Variants in CLYBL observed in about 807,000 individuals in gnomAD.
CLYBL encodes citramalyl-CoA lyase.
A neutral mutation model predicts 38.9 loss-of-function variants in CLYBL; 31 were observed. The ratio of observed to expected loss-of-function variants is 0.80; its 90% CI spans 0.60 to 1.08. CLYBL has a LOEUF of 1.08. Among genes scored for constraint, CLYBL ranks in the 50% least tolerant of loss-of-function variants. The probability of loss-of-function intolerance (pLI) is 0.00; values close to 1 mark genes in which losing one functional copy is unlikely to be tolerated. For missense variants in CLYBL, 434 were observed against 411.6 expected, an observed-to-expected ratio of 1.05 and a Z score of -0.47; for synonymous variants, 171 against 158.6, an observed-to-expected ratio of 1.08 and a Z score of -0.59.
intron 1 of CLYBL, among the ~76,000 whole-genome samples, chr13:99,728,770 A>C (rs1480389097): frequency 2.0e-5 from 3 of 151,720 alleles, no homozygotes; most frequent in Admixed American, 2.0e-4. Context: ...TTTTGTAGAG[A>C]TGGAGTCTCA....
At chr13:99,770,076 C>CTTTTTTT (rs68172402) in intron 1 of CLYBL, among the ~76,000 whole-genome samples, 2 of 121,992 alleles carry the variant, frequency 1.6e-5, no homozygotes, top group Admixed American at 8.6e-5. Context: ...TTTTTCTTTT[C>CTTTTTTT]TTTCTTTTTT....
intron 1 of CLYBL, among the ~76,000 whole-genome samples, chr13:99,692,863 A>G (rs997263983): frequency 1.3e-5 from 2 of 152,180 alleles, no homozygotes; most frequent in African/African-American, 2.4e-5. Context: ...TTCACTCTGC[A>G]TAATGTTTTC....
chr13:99,665,852 C>T (rs959910828), intron 1 of CLYBL, among the ~76,000 whole-genome samples: 1 of 152,196 alleles, frequency 6.6e-6, no homozygotes, highest in Admixed American at 6.5e-5. Flanking sequence ...GATCGTGCAC[C>T]GTTCAGCCGT....
chr13:99,753,762 C>T (rs1385580585), intron 1 of CLYBL, among the ~76,000 whole-genome samples: 1 of 152,108 alleles, frequency 6.6e-6, no homozygotes, highest in Non-Finnish European at 1.5e-5. Flanking sequence ...TGCACTTAGT[C>T]AAGTCTGGAC....
intron 1 of CLYBL, among the ~76,000 whole-genome samples, chr13:99,608,239 A>C (rs546735853): frequency 6.6e-5 from 10 of 151,010 alleles, no homozygotes; most frequent in Admixed American, 2.0e-4. Flanking sequence ...TGCCCGGCTA[A>C]TTTTTGTATT....
chr13:99,715,804 G>C (rs1309719725), intron 1 of CLYBL, among the ~76,000 whole-genome samples: 1 of 152,034 alleles, frequency 6.6e-6, no homozygotes, highest in Non-Finnish European at 1.5e-5. Context: ...CTCAGGTCCC[G>C]GGGCTGCAGG....
intron 2 of CLYBL, among the ~76,000 whole-genome samples, chr13:99,808,784 A>G (rs2050282251): frequency 6.6e-6 from 1 of 152,256 alleles, no homozygotes; most frequent in Non-Finnish European, 1.5e-5. Flanking sequence ...TGAATTTAAT[A>G]TTAACTTAAA....
At chr13:99,900,548 G>GA (rs1006158572), downstream of CLYBL, among the ~76,000 whole-genome samples, 4 of 152,076 alleles carry the variant, frequency 2.6e-5, no homozygotes, top group African/African-American at 4.8e-5. Context: ...CATCCACATA[G>GA]AAAAAATGCA....
intron 1 of CLYBL, among the ~76,000 whole-genome samples, chr13:99,686,699 C>G (rs2047823277): frequency 6.6e-6 from 1 of 152,226 alleles, no homozygotes; most frequent in Non-Finnish European, 1.5e-5. Flanking sequence ...ATCTCCACTT[C>G]TGTCTGGATA....
intron 2 of CLYBL, among the ~76,000 whole-genome samples, chr13:99,773,564 G>T (rs540769833): frequency 6.6e-6 from 1 of 152,308 alleles, no homozygotes; most frequent in South Asian, 2.1e-4. Flanking sequence ...ATGATCTGAG[G>T]TGGAACAGTT....
intron 2 of CLYBL, among the ~76,000 whole-genome samples, chr13:99,792,202 G>C (rs1017166553): frequency 6.6e-6 from 1 of 152,196 alleles, no homozygotes; most frequent in African/African-American, 2.4e-5. Context: ...AAAAGAAAAA[G>C]TCCAGAGAAG....
At chr13:99,897,281 C>T (rs1212150089), downstream of CLYBL, 1 of 152,274 alleles carries the variant, frequency 6.6e-6, no homozygotes, top group East Asian at 1.9e-4. Flanking sequence ...TCTGTTTGTA[C>T]ACAGCCTTTC....
At chr13:99,885,739 T>C (rs2052333950) in intron 7 of CLYBL, among the ~76,000 whole-genome samples, 1 of 152,106 alleles carries the variant, frequency 6.6e-6, no homozygotes, top group African/African-American at 2.4e-5. Context: ...CACGAGGGCC[T>C]TTCTAAGGAC....
intron 1 of CLYBL, among the ~76,000 whole-genome samples, chr13:99,704,136 C>A (rs777850320): frequency 6.6e-6 from 1 of 152,162 alleles, no homozygotes; most frequent in Non-Finnish European, 1.5e-5. Flanking sequence ...ACATTCAGAT[C>A]TTTCTTCTGA....
rs1000579998 is a variant in CLYBL, at chr13:99,823,897, C to T, written c.250-34964C>T. On this transcript the variant is annotated intron_variant, in intron 2 of 8. Coordinates refer to ENST00000339105, the MANE Select transcript of CLYBL (RefSeq NM_206808.5). ...TCGTTCTGGTAGTTTCCCATTCTGT[C>T]ATCCAGGTAGTCCTTTTGCCTGATT... 4.6e-5 allele frequency among the ~76,000 whole-genome samples: 7 copies of T among 152,236 alleles called. No homozygotes were observed. In the South Asian group the frequency reaches 1.4e-3, roughly 32 times the overall value.
At chr13:99,631,978 A>T (rs2046952908) in intron 1 of CLYBL, among the ~76,000 whole-genome samples, 1 of 152,186 alleles carries the variant, frequency 6.6e-6, no homozygotes, top group Non-Finnish European at 1.5e-5. Context: ...AGGAGAATCT[A>T]CCTCAAAAGA....
Position 99,773,080 on chromosome 13 carries a change from T to C in CLYBL, c.249+70T>C. 4.6e-6 allele frequency: 6 copies of C among 1,303,636 alleles called. No individual in the cohort carries two copies. The South Asian group carries it at 7.8e-5, about 17-fold the overall frequency. The allele number at this position is 1,303,636 out of a possible 1,614,324, so 80.8% of individuals were successfully genotyped here. On this transcript the variant is annotated intron_variant, in intron 2 of 8. Coordinates refer to ENST00000339105, the MANE Select transcript of CLYBL (RefSeq NM_206808.5). ...TTGCTTCTCTTCCGAATAGTGACAT[T>C]GCCCGCTATTTGGAAAGATTCTACC...
At chr13:99,802,806 C>G (rs2050161004) in intron 2 of CLYBL, among the ~76,000 whole-genome samples, 2 of 152,150 alleles carry the variant, frequency 1.3e-5, no homozygotes, top group African/African-American at 4.8e-5. Context: ...CCTTCCAGGA[C>G]TACTCAGACT....
chr13:99,847,021 C>T (rs899774717), intron 2 of CLYBL, among the ~76,000 whole-genome samples: 4 of 152,062 alleles, frequency 2.6e-5, no homozygotes, highest in African/African-American at 9.7e-5. Flanking sequence ...GTGAAGGGGA[C>T]AATTTGGATC....
Sources: allele counts gnomAD v4.1 joint callset (sites outside exome capture counted in the v4.1 genomes callset), GRCh38; gene constraint gnomAD v4.1.1; transcripts MANE v1.5; gene names NCBI Gene and HGNC (gene_info 2026-07-23, HGNC 2026-07-21).